RCSD1: variants seen among roughly 807,000 people sequenced by gnomAD.
RCSD1 encodes RCSD domain containing 1.
A neutral mutation model predicts 42.5 loss-of-function variants in RCSD1; 26 were observed. The ratio of observed to expected loss-of-function variants is 0.61; its 90% CI spans 0.45 to 0.85. The LOEUF (loss-of-function observed/expected upper bound fraction) is 0.85, where lower values mean the gene tolerates loss of function less well. RCSD1 is among the 40% of genes least tolerant of loss of function. RCSD1 has a pLI of 0.00. For missense variants in RCSD1, 571 were observed against 528.3 expected, an observed-to-expected ratio of 1.08 and a Z score of -0.79; for synonymous variants, 220 against 212.2, an observed-to-expected ratio of 1.04 and a Z score of -0.32.
Position 167,666,185 on chromosome 1 carries a change from T to C in RCSD1, c.7-17715T>C, listed in dbSNP as rs994071624. Among the ~76,000 whole-genome samples, 5 of 152,288 alleles carry C rather than the reference T, an allele frequency of 3.3e-5. No individual in the cohort carries two copies. In the East Asian group the frequency reaches 9.7e-4, roughly 29 times the overall value. On this transcript the variant is annotated intron_variant, in intron 1 of 6. Coordinates refer to ENST00000367854, the MANE Select transcript of RCSD1 (RefSeq NM_052862.4). ...GCTGGAGGCAGTGTGGAGTTGTGGT[T>C]GGGAGCACAGGCTTTAATAAACCAA...
rs11446259 is a variant in RCSD1 at position 167,701,252 on chromosome 1, G to GTTTCTTTCTTTCTTTCTTTCTTTCTTTC, written c.1219-3372_1219-3345dup. Among the ~76,000 whole-genome samples the GTTTCTTTCTTTCTTTCTTTCTTTCTTTC allele has an allele frequency of 5.3e-4, 51 of 96,126 alleles. 1 individual carries two copies. Among genetic ancestry groups the GTTTCTTTCTTTCTTTCTTTCTTTCTTTC allele is most frequent in the Non-Finnish European group, 6.9e-4 (31 of 45,160 alleles). The allele number at this position is 96,126 out of a possible 152,430, so 63.1% of individuals were successfully genotyped here. A position where few individuals can be genotyped will look rare whatever the true frequency, so the allele number is the denominator to read the frequency against. On this transcript the variant is annotated intron_variant, in intron 6 of 6. Transcript: ENST00000367854. ...TGACGCCACTTAACCCAATTGCCTA[G>GTTTCTTTCTTTCTTTCTTTCTTTCTTTC]TTTCTTTCTTTCTTTCTTTCTTTCT...
chr1:167,674,894 C>T (rs923436907), intron 1 of RCSD1, among the ~76,000 whole-genome samples: 1 of 152,102 alleles, frequency 6.6e-6, no homozygotes, highest in African/African-American at 2.4e-5. Flanking sequence ...TTGTATTAGT[C>T]TGTTCTCATG....
chr1:167,651,041 T>C (rs1204622558), intron 1 of RCSD1, among the ~76,000 whole-genome samples: 2 of 152,152 alleles, frequency 1.3e-5, no homozygotes, highest in Non-Finnish European at 2.9e-5. Context: ...CACGTGGTCT[T>C]CTCTCTGTGC....
intron 1 of RCSD1, among the ~76,000 whole-genome samples, chr1:167,657,216 T>C (rs1658443396): frequency 6.6e-6 from 1 of 152,228 alleles, no homozygotes; most frequent in Non-Finnish European, 1.5e-5. Context: ...AATACATGAC[T>C]CCTTTGGAGA....
chr1:167,671,128 G>A lies in RCSD1; in HGVS notation c.7-12772G>A, dbSNP rs895294967. 9.2e-5 allele frequency among the ~76,000 whole-genome samples: 14 copies of A among 152,130 alleles called. No individual in the cohort carries two copies. The South Asian group carries it at 1.2e-3, about 14-fold the overall frequency. On this transcript the variant is annotated intron_variant, in intron 1 of 6. Transcript: ENST00000367854. The stretch of plus-strand genomic sequence containing the variant: ...TGCTCTGCTCTGATGAATCCCTAGC[G>A]CCTGGCCTAGGGTCTGGCATGTTGT...
At chr1:167,671,522 C>T (rs2102222074) in intron 1 of RCSD1, among the ~76,000 whole-genome samples, 1 of 152,336 alleles carries the variant, frequency 6.6e-6, no homozygotes, top group South Asian at 2.1e-4. Context: ...TCCCAATTCC[C>T]TTGGCAGATC....
chr1:167,703,070 T>C (rs1421874417), intron 6 of RCSD1, among the ~76,000 whole-genome samples: 2 of 152,202 alleles, frequency 1.3e-5, no homozygotes, highest in Non-Finnish European at 2.9e-5. Flanking sequence ...AATACATCCT[T>C]CTCTTGAGAA....
Position 167,685,465 on chromosome 1 carries a change from C to G in RCSD1, c.153C>G (p.Leu51=). 6.2e-7 allele frequency: 1 copy of G among 1,613,798 alleles called. No individual in the cohort carries two copies. Among genetic ancestry groups the G allele is most frequent in the Non-Finnish European group, 8.5e-7 (1 of 1,179,866 alleles). ...KPTRRKPPCS[L]PLFPPKVDLG... is the part of the protein sequence containing the mutation. ...CCCGAAGGAAACCGCCCTGTTCCCTCCCCCTGTTCCCCCCCAAGGTAGACC... is the reference window on the plus strand; with the variant it reads ...CCCGAAGGAAACCGCCCTGTTCCCTGCCCCTGTTCCCCCCCAAGGTAGACC... The change falls in exon 3 of 7, where the codon CTC becomes CTG. Residue 51 remains leucine (L), a synonymous_variant. Coordinates refer to ENST00000367854, the MANE Select transcript of RCSD1 (RefSeq NM_052862.4).
chr1:167,692,276 G>A (rs1032368386), intron 4 of RCSD1, among the ~76,000 whole-genome samples: 2 of 152,056 alleles, frequency 1.3e-5, no homozygotes, highest in Admixed American at 1.3e-4. Context: ...TATGAACTAG[G>A]GATTTTCTTT....
At chr1:167,703,184 T>C (rs923889052) in intron 6 of RCSD1, among the ~76,000 whole-genome samples, 3 of 152,190 alleles carry the variant, frequency 2.0e-5, no homozygotes, top group Non-Finnish European at 2.9e-5. Context: ...CTATTTCTTC[T>C]CAGTTCTTTT....
intron 1 of RCSD1, among the ~76,000 whole-genome samples, chr1:167,669,939 C>T (rs1658761142): frequency 6.6e-6 from 1 of 152,032 alleles, no homozygotes; most frequent in Admixed American, 6.5e-5. Flanking sequence ...AAGGTATGCC[C>T]TGGCTTCCTG....
At chr1:167,669,905 T>C (rs1658760353) in intron 1 of RCSD1, among the ~76,000 whole-genome samples, 1 of 152,112 alleles carries the variant, frequency 6.6e-6, no homozygotes, top group African/African-American at 2.4e-5. Flanking sequence ...GGCTGGGTCC[T>C]TAGGAAATTT....
At position 167,683,937 on chromosome 1, in the gene RCSD1, C is replaced by T. The variant is rs773744850; in HGVS notation, c.44C>T (p.Ser15Leu). 20 of 1,614,084 alleles carry T rather than the reference C, an allele frequency of 1.2e-5. No individual in the cohort carries two copies. The highest frequency in any genetic ancestry group is 2.2e-5 in the East Asian group (1 of 44,894). Residue 15 changes from serine to leucine, a missense_variant, in exon 2 of 7, where the codon TCG becomes TTG. Transcript: ENST00000367854. ...PAETNANVDNSASPSVAQLAG... is the reference protein window; with the variant it reads ...PAETNANVDNLASPSVAQLAG... The stretch of plus-strand genomic sequence containing the variant: ...GAGACCAATGCCAATGTGGACAACT[C>T]GGCGTCCCCCTCGGTGGCCCAGCTG...
At chr1:167,700,778 C>T (rs547917911) in intron 6 of RCSD1, among the ~76,000 whole-genome samples, 1 of 152,208 alleles carries the variant, frequency 6.6e-6, no homozygotes, top group Non-Finnish European at 1.5e-5. Context: ...ATGCCCCAAT[C>T]TGTTAGTCCT....
chr1:167,690,036 A>G lies in RCSD1; in HGVS notation c.199-13A>G. 6.2e-7 allele frequency: 1 copy of G among 1,613,810 alleles called. No homozygotes were observed. Among genetic ancestry groups the G allele is most frequent in the Non-Finnish European group, 8.5e-7 (1 of 1,179,862 alleles). On this transcript the variant is annotated splice_polypyrimidine_tract_variant and intron_variant, in intron 3 of 6. Coordinates refer to ENST00000367854, the MANE Select transcript of RCSD1 (RefSeq NM_052862.4). ...CTTACTTATCTGGTTGTTTTGGTTG[A>G]TTTGCTCCATAGAAATCACCACCCA...
chr1:167,659,877 C>T (rs1165962361), intron 1 of RCSD1, among the ~76,000 whole-genome samples: 6 of 152,180 alleles, frequency 3.9e-5, no homozygotes, highest in African/African-American at 1.4e-4. Context: ...CCCAGGGTTA[C>T]AGGGTCTTTT....
rs1000683426 is a variant in RCSD1 at position 167,704,858 on chromosome 1, A to G, written c.*162A>G. The G allele has an allele frequency of 7.9e-6, 5 of 634,614 alleles. No homozygotes were observed. The highest frequency in any genetic ancestry group is 1.4e-5 in the Non-Finnish European group (5 of 358,632). 39.3% of individuals were successfully genotyped at this position (634,614 alleles called of 1,614,324 possible). A position where few individuals can be genotyped will look rare whatever the true frequency, so the allele number is the denominator to read the frequency against. ...CAGGGTGGATTATTTCCTGGCCTCC[A>G]CACCAAACGTTCCCTTGCAGATGGA... On this transcript the variant is annotated 3_prime_UTR_variant, in exon 7 of 7. Transcript: ENST00000367854.
At chr1:167,631,982 T>C (rs1348733357) in intron 1 of RCSD1, among the ~76,000 whole-genome samples, 1 of 152,254 alleles carries the variant, frequency 6.6e-6, no homozygotes, top group Non-Finnish European at 1.5e-5. Flanking sequence ...GAGTCTAATA[T>C]GGACCCTCCA....
rs1012832814 is a variant in RCSD1 at position 167,650,256 on chromosome 1, A to T, written c.6+19827A>T. On this transcript the variant is annotated intron_variant, in intron 1 of 6. Coordinates refer to ENST00000367854, the MANE Select transcript of RCSD1 (RefSeq NM_052862.4). ...AAAACACGGGGAAATGTCTGCAAAC[A>T]GCTTGGTCCCTCAAAGAGAAGCAGG... 4.6e-5 allele frequency among the ~76,000 whole-genome samples: 7 copies of T among 152,340 alleles called. No homozygotes were observed. In the East Asian group the frequency reaches 1.4e-3, roughly 29 times the overall value.
Sources: allele counts gnomAD v4.1 joint callset (sites outside exome capture counted in the v4.1 genomes callset), GRCh38; gene constraint gnomAD v4.1.1; transcripts MANE v1.5; gene names NCBI Gene and HGNC (gene_info 2026-07-23, HGNC 2026-07-21).